ZNF804A: variants seen among roughly 807,000 people sequenced by gnomAD.
The protein encoded by ZNF804A is zinc finger protein 804A.
A neutral mutation model predicts 16.5 loss-of-function variants in ZNF804A; 2 were observed. The observed-to-expected ratio is 0.12, with a 90% confidence interval of 0.05 to 0.38. The LOEUF is 0.38. Among genes scored for constraint, ZNF804A ranks in the 10% least tolerant of loss-of-function variants. The probability of loss-of-function intolerance (pLI) is 0.99; values close to 1 mark genes in which losing one functional copy is unlikely to be tolerated. For missense variants in ZNF804A, 1,473 were observed against 1,390.7 expected, an observed-to-expected ratio of 1.06 and a Z score of -0.94; for synonymous variants, 534 against 489.6, an observed-to-expected ratio of 1.09 and a Z score of -1.20.
intron 1 of ZNF804A, among the ~76,000 whole-genome samples, chr2:184,827,482 T>TTATATATATATAAAAATATA (rs1695184608): frequency 6.8e-6 from 1 of 146,212 alleles, no homozygotes; most frequent in South Asian, 2.1e-4. Flanking sequence ...TAATATATAT[T>TTATATATATATAAAAATATA]TATATATATA....
At chr2:184,622,476 T>C (rs1691434794) in intron 1 of ZNF804A, among the ~76,000 whole-genome samples, 1 of 151,800 alleles carries the variant, frequency 6.6e-6, no homozygotes, top group African/African-American at 2.4e-5. Context: ...TGATTTTGCA[T>C]TAGATATTAA....
intron 1 of ZNF804A, among the ~76,000 whole-genome samples, chr2:184,693,894 A>AT (rs1394899707): frequency 1.3e-5 from 2 of 151,586 alleles, no homozygotes; most frequent in South Asian, 2.1e-4. Flanking sequence ...TATTCTAAGA[A>AT]TAAAAAAAAA....
chr2:184,847,265 T>A (rs1353999227), intron 1 of ZNF804A, among the ~76,000 whole-genome samples: 1 of 152,048 alleles, frequency 6.6e-6, no homozygotes, highest in Non-Finnish European at 1.5e-5. Flanking sequence ...TAGATGAGTT[T>A]GCATTTCTGT....
chr2:184,815,486 A>G (rs1296594073), intron 1 of ZNF804A, among the ~76,000 whole-genome samples: 2 of 151,688 alleles, frequency 1.3e-5, no homozygotes, highest in African/African-American at 4.8e-5. Context: ...ATAATAAAAT[A>G]GTAGTAAAAT....
chr2:184,740,505 C>T (rs1263970055), intron 1 of ZNF804A, among the ~76,000 whole-genome samples: 2 of 152,250 alleles, frequency 1.3e-5, no homozygotes, highest in African/African-American at 2.4e-5. Flanking sequence ...TTTTATTTCT[C>T]AGGCATAGAT....
rs141540158 is a variant in ZNF804A, at chr2:184,920,650, G to GGA, written c.256-12940_256-12939dup. On this transcript the variant is annotated intron_variant, in intron 2 of 3. Coordinates refer to ENST00000302277, the MANE Select transcript of ZNF804A (RefSeq NM_194250.2). ...GGTTGCTTTATATACTTAGCAGAATGGAGAGAGAGAGAGACACTTCCTTGA... is the reference window on the plus strand; with the variant it reads ...GGTTGCTTTATATACTTAGCAGAATGGAGAGAGAGAGAGAGACACTTCCTTGA... Among the ~76,000 whole-genome samples, 952 of 151,990 alleles carry GGA rather than the reference G, an allele frequency of 6.3e-3. 9 individuals are homozygous for GGA. Among genetic ancestry groups the GGA allele is most frequent in the Middle Eastern group, 0.061 (18 of 294 alleles).
chr2:184,691,827 A>G (rs1196759573), intron 1 of ZNF804A, among the ~76,000 whole-genome samples: 23 of 151,914 alleles, frequency 1.5e-4, no homozygotes, highest in Non-Finnish European at 2.9e-4. Context: ...TATTTCTCCA[A>G]AACTGTAAGT....
chr2:184,633,555 C>G (rs1031545919), intron 1 of ZNF804A, among the ~76,000 whole-genome samples: 2 of 152,070 alleles, frequency 1.3e-5, no homozygotes, highest in Admixed American at 1.3e-4. Flanking sequence ...TAAGTAGCTC[C>G]AAATGTTGAT....
intron 1 of ZNF804A, among the ~76,000 whole-genome samples, chr2:184,842,588 A>G (rs969418127): frequency 2.0e-5 from 3 of 151,670 alleles, no homozygotes; most frequent in Non-Finnish European, 4.4e-5. Context: ...TTTGGAATTC[A>G]TTTTCTTTTT....
chr2:184,681,561 T>C (rs1450856711), intron 1 of ZNF804A, among the ~76,000 whole-genome samples: 1 of 152,250 alleles, frequency 6.6e-6, no homozygotes, highest in Non-Finnish European at 1.5e-5. Context: ...CCAGGAATTC[T>C]GAACAATGTC....
intron 1 of ZNF804A, among the ~76,000 whole-genome samples, chr2:184,690,925 GA>G (rs1288793944): frequency 2.6e-5 from 4 of 151,072 alleles, no homozygotes; most frequent in Admixed American, 6.6e-5. Context: ...AAAATATCTG[GA>G]AAAAAAATAC....
intron 1 of ZNF804A, among the ~76,000 whole-genome samples, chr2:184,849,267 C>G (rs1004068419): frequency 6.6e-6 from 1 of 151,984 alleles, no homozygotes; most frequent in Non-Finnish European, 1.5e-5. Flanking sequence ...AGCTCCCATA[C>G]CATGAGTTAT....
intron 1 of ZNF804A, among the ~76,000 whole-genome samples, chr2:184,681,827 G>A (rs941030320): frequency 2.6e-5 from 4 of 152,202 alleles, no homozygotes; most frequent in African/African-American, 4.8e-5. Flanking sequence ...TGTGGCTCTG[G>A]ACCCAGGCAT....
chr2:184,872,674 C>T (rs1695994513), intron 2 of ZNF804A, among the ~76,000 whole-genome samples: 1 of 152,102 alleles, frequency 6.6e-6, no homozygotes, highest in African/African-American at 2.4e-5. Flanking sequence ...CATAGAGACA[C>T]CAATTTGCCC....
At chr2:184,814,898 G>A (rs540470678) in intron 1 of ZNF804A, among the ~76,000 whole-genome samples, 5 of 151,970 alleles carry the variant, frequency 3.3e-5, no homozygotes, top group African/African-American at 9.6e-5. Context: ...GCCTATGAAG[G>A]GCCTGACATT....
chr2:184,880,372 C>A (rs1453168087), intron 2 of ZNF804A, among the ~76,000 whole-genome samples: 1 of 151,960 alleles, frequency 6.6e-6, no homozygotes, highest in African/African-American at 2.4e-5. Flanking sequence ...GGTGCTGTAA[C>A]TGTGCAGCTA....
rs144829993 is a variant in ZNF804A, at chr2:184,926,842, T to A, written c.256-6761T>A. Among the ~76,000 whole-genome samples the A allele has an allele frequency of 8.2e-3, 1,254 of 152,296 alleles. 12 individuals carry two copies. The highest frequency in any genetic ancestry group is 0.061 in the Middle Eastern group (18 of 294). On this transcript the variant is annotated intron_variant, in intron 2 of 3. Coordinates refer to ENST00000302277, the MANE Select transcript of ZNF804A (RefSeq NM_194250.2). ...CCAATTGCATTTTTCAGCTCCAGAATTTCTGCTTGCTTTAATTATGTCACT... is the reference window on the plus strand; with the variant it reads ...CCAATTGCATTTTTCAGCTCCAGAAATTCTGCTTGCTTTAATTATGTCACT...
intron 1 of ZNF804A, among the ~76,000 whole-genome samples, chr2:184,746,646 T>C (rs1693794084): frequency 6.6e-6 from 1 of 151,414 alleles, no homozygotes; most frequent in African/African-American, 2.4e-5. Context: ...ATCTCATTCA[T>C]TCTATCTAAC....
intron 1 of ZNF804A, among the ~76,000 whole-genome samples, chr2:184,675,305 A>G (rs1400176756): frequency 3.3e-5 from 5 of 151,720 alleles, no homozygotes; most frequent in Admixed American, 2.6e-4. Flanking sequence ...TTAAAGTACT[A>G]TTTTTACAAC....
Sources: gnomAD v4.1 joint callset for allele counts (sites outside exome capture counted in the v4.1 genomes callset) on GRCh38, gnomAD v4.1.1 for gene constraint, MANE v1.5 for transcripts, NCBI Gene and HGNC (gene_info 2026-07-23, HGNC 2026-07-21) for gene names.